OPA1: variants seen among roughly 807,000 people sequenced by gnomAD.
OPA1 encodes the protein dynamin-like GTPase OPA1, mitochondrial.
Under a neutral mutation model 152.9 loss-of-function variants are expected in OPA1, and 59 were observed. The ratio of observed to expected loss-of-function variants is 0.39; its 90% CI spans 0.31 to 0.48. The LOEUF (loss-of-function observed/expected upper bound fraction) is 0.48. OPA1 is among the 20% of genes least tolerant of loss of function. The pLI is 0.96. For synonymous variants in OPA1, 400 were observed against 389.9 expected, an observed-to-expected ratio of 1.03 and a Z score of -0.31; for missense variants, 1,008 against 1,216.8, an observed-to-expected ratio of 0.83 and a Z score of 2.55.
intron 29 of OPA1, among the ~76,000 whole-genome samples, chr3:193,676,797 A>C (rs193045429): frequency 1.3e-5 from 2 of 152,104 alleles, no homozygotes; most frequent in African/African-American, 2.4e-5. Flanking sequence ...TGGCTAACAC[A>C]GTGAAACCCC....
At chr3:193,680,854 C>G (rs775209937) in intron 29 of OPA1, among the ~76,000 whole-genome samples, 7 of 151,874 alleles carry the variant, frequency 4.6e-5, no homozygotes, top group Non-Finnish European at 7.4e-5. Context: ...TAATGTAACT[C>G]TTTTTTGAGA....
At chr3:193,628,147 A>C (rs1310862343) in intron 7 of OPA1, among the ~76,000 whole-genome samples, 1 of 152,118 alleles carries the variant, frequency 6.6e-6, no homozygotes, top group African/African-American at 2.4e-5. Flanking sequence ...CAGGCATGTG[A>C]GGTTTACTTG....
At position 193,657,277 on chromosome 3, in the gene OPA1, A is replaced by G. The variant is rs933577012; in HGVS notation, c.2331+45A>G. On this transcript the variant is annotated intron_variant, in intron 23 of 30. Transcript: ENST00000361510. ...GGGTATCAGCCTCATATTTTTATAT[A>G]ACTTCTCAAATTGATACTTTTTCAT... is the stretch of plus-strand genomic sequence containing the variant. The G allele has an allele frequency of 3.2e-6, 5 of 1,583,114 alleles. No homozygotes were observed. In the Admixed American group the frequency reaches 5.0e-5, roughly 16 times the overall value.
At chr3:193,687,934 T>C (rs926882024) in intron 29 of OPA1, among the ~76,000 whole-genome samples, 1 of 152,198 alleles carries the variant, frequency 6.6e-6, no homozygotes, top group Admixed American at 6.5e-5. Flanking sequence ...AAGGGATTTT[T>C]TTTTCCCACT....
At chr3:193,595,542 A>T (rs1725348360) in intron 1 of OPA1, among the ~76,000 whole-genome samples, 1 of 152,082 alleles carries the variant, frequency 6.6e-6, no homozygotes, top group South Asian at 2.1e-4. Flanking sequence ...TTCTAATGTA[A>T]TTGTTTATTG....
Position 193,637,320 on chromosome 3 carries a change from A to G in OPA1, c.1035+39A>G, listed in dbSNP as rs771023231. 5.5e-6 allele frequency: 7 copies of G among 1,282,256 alleles called. No homozygotes were observed. In the South Asian group the frequency reaches 8.4e-5, roughly 15 times the overall value. 79.4% of individuals were successfully genotyped at this position (1,282,256 alleles called of 1,614,324 possible). ...TGATAGTGAACTTGCCAATTAGCAA[A>G]AAAAGAAGCAGCTTAGCTTCCTAAA... On this transcript the variant is annotated intron_variant, in intron 10 of 30. Transcript: ENST00000361510.
chr3:193,607,332 G>A (rs1036329360), intron 1 of OPA1, among the ~76,000 whole-genome samples: 2 of 152,166 alleles, frequency 1.3e-5, no homozygotes, highest in Non-Finnish European at 2.9e-5. Context: ...TAGACATGAA[G>A]TCCTTGGCCA....
Position 193,642,955 on chromosome 3 carries a change from G to A in OPA1, c.1231-20G>A. The A allele has an allele frequency of 6.2e-7, 1 of 1,608,596 alleles. No homozygotes were observed. On this transcript the variant is annotated intron_variant, in intron 12 of 30. Transcript: ENST00000361510. ...TTAAGATTTTCTTAGATTTTCTTAGGATTTTGTGTTTTCCATTAGCTTGCA... is the reference window on the plus strand; with the variant it reads ...TTAAGATTTTCTTAGATTTTCTTAGAATTTTGTGTTTTCCATTAGCTTGCA...
At chr3:193,617,918 C>T (rs773319365) in intron 5 of OPA1, 81 bp downstream of exon 5, 36 of 965,258 alleles carry the variant, frequency 3.7e-5, no homozygotes, top group Non-Finnish European at 5.7e-5. Flanking sequence ...AAATTGCAGA[C>T]CAAATTTATA....
At chr3:193,654,144 A>G (rs1042654724) in intron 21 of OPA1, among the ~76,000 whole-genome samples, 2 of 152,228 alleles carry the variant, frequency 1.3e-5, no homozygotes, top group Non-Finnish European at 2.9e-5. Flanking sequence ...CTAAGGGTCT[A>G]TCAACACAAG....
At chr3:193,618,351 G>A (rs62287174) in intron 5 of OPA1, among the ~76,000 whole-genome samples, 2 of 151,942 alleles carry the variant, frequency 1.3e-5, no homozygotes, top group Non-Finnish European at 2.9e-5. Flanking sequence ...GGTGGCACAC[G>A]CCTGTAGTCC....
intron 29 of OPA1, among the ~76,000 whole-genome samples, chr3:193,680,603 G>C (rs1378034803): frequency 1.3e-5 from 2 of 152,104 alleles, no homozygotes; most frequent in East Asian, 1.9e-4. Context: ...AGAGCTGCCT[G>C]GGTGGTTTTC....
At chr3:193,668,694 C>A in intron 29 of OPA1, 2 of 1,391,444 alleles carry the variant, frequency 1.4e-6, no homozygotes, top group South Asian at 1.4e-5. Flanking sequence ...CCCATTGTAA[C>A]CCAGGTCAGG....
intron 26 of OPA1, among the ~76,000 whole-genome samples, chr3:193,663,586 T>C (rs1443909573): frequency 1.3e-5 from 2 of 152,132 alleles, no homozygotes; most frequent in African/African-American, 4.8e-5. Flanking sequence ...TTAGTTAAGA[T>C]GTAAGGAATT....
chr3:193,637,047 A>T lies in OPA1; in HGVS notation c.949-148A>T, dbSNP rs573122743. The T allele has an allele frequency of 5.9e-6, 3 of 504,826 alleles. No individual in the cohort carries two copies. In the South Asian group the frequency reaches 8.6e-5, roughly 14 times the overall value. 31.3% of individuals were successfully genotyped at this position (504,826 alleles called of 1,614,324 possible). ...AATCTGTACCGTTTTAGTTTTTACG[A>T]TGAAGATGTATTTATGTAATTTGAG... is the stretch of plus-strand genomic sequence containing the variant. On this transcript the variant is annotated intron_variant, in intron 9 of 30. Coordinates refer to ENST00000361510, the MANE Select transcript of OPA1 (RefSeq NM_130837.3).
chr3:193,626,160 CG>C lies in OPA1; in HGVS notation c.748del (p.Ala250LeufsTer33), dbSNP rs1262868695. The C allele has an allele frequency of 6.2e-7, 1 of 1,614,062 alleles. No individual in the cohort carries two copies. Among genetic ancestry groups the C allele is most frequent in the Non-Finnish European group, 8.5e-7 (1 of 1,179,992 alleles). On this transcript the variant is annotated frameshift_variant, in exon 7 of 31. Transcript: ENST00000361510. LOFTEE classifies it high-confidence loss of function. The part of the protein sequence containing the change: ...QEHEEEARRA[A>X]GQYSTSYAQQ... Reference sequence around the variant, plus strand: ...AGCATGAAGAGGAAGCGCGCAGAGCCGCTGGCCAATATAGCACGAGCTATGC... The same window carrying C: ...AGCATGAAGAGGAAGCGCGCAGAGCCCTGGCCAATATAGCACGAGCTATGC...
chr3:193,679,271 G>A (rs1719736488), intron 29 of OPA1, among the ~76,000 whole-genome samples: 1 of 149,982 alleles, frequency 6.7e-6, no homozygotes, highest in Admixed American at 6.6e-5. Flanking sequence ...GAAATAACGG[G>A]GAAAAAAAAG....
intron 9 of OPA1, among the ~76,000 whole-genome samples, chr3:193,635,874 G>A (rs772091985): frequency 1.3e-5 from 2 of 152,038 alleles, no homozygotes; most frequent in African/African-American, 2.4e-5. Context: ...TATCATCATT[G>A]CTTTACTTGT....
At chr3:193,692,492 T>C (rs1017760401) in intron 30 of OPA1, among the ~76,000 whole-genome samples, 6 of 152,346 alleles carry the variant, frequency 3.9e-5, no homozygotes, top group Non-Finnish European at 5.9e-5. Context: ...ATGATGTGTA[T>C]GTTAAATATT....
Sources: gnomAD v4.1 joint callset for allele counts (sites outside exome capture counted in the v4.1 genomes callset) on GRCh38, gnomAD v4.1.1 for gene constraint, MANE v1.5 for transcripts, NCBI Gene and HGNC (gene_info 2026-07-23, HGNC 2026-07-21) for gene names.